The following TMEM163 variants were observed in gnomAD, a reference collection of about 807,000 sequenced individuals.
The protein encoded by TMEM163 is transmembrane protein 163.
In TMEM163, 17 loss-of-function variants were observed where a neutral mutation model predicts 29.3. The observed-to-expected ratio is 0.58, with a 90% CI of 0.40 to 0.87. The LOEUF is 0.87. TMEM163 is among the 40% of genes least tolerant of loss of function. The pLI, the probability that TMEM163 is intolerant of heterozygous loss-of-function variation, is 0.00. For synonymous variants in TMEM163, 157 were observed against 160.6 expected (o/e 0.98, Z 0.17); for missense variants, 303 against 381.5 (o/e 0.79, Z 1.71).
intron 4 of TMEM163, among the ~76,000 whole-genome samples, chr2:134,519,889 C>CAAAA (rs552174731): frequency 3.1e-5 from 3 of 96,180 alleles, no homozygotes; most frequent in African/African-American, 1.1e-4. Flanking sequence ...GACCCCACCT[C>CAAAA]AAAAAAAAAA....
chr2:134,660,266 A>C (rs1424384292), intron 2 of TMEM163, among the ~76,000 whole-genome samples: 2 of 152,168 alleles, frequency 1.3e-5, no homozygotes, highest in African/African-American at 2.4e-5. Flanking sequence ...TAACTAAAAA[A>C]ATATGATGCT....
intron 4 of TMEM163, among the ~76,000 whole-genome samples, chr2:134,541,817 G>A (rs919515530): frequency 6.6e-6 from 1 of 151,518 alleles, no homozygotes. Context: ...CACACACGGA[G>A]CATACATCAA....
chr2:134,557,666 G>A lies in TMEM163; in HGVS notation c.323-5575C>T, dbSNP rs142193059. Reference sequence around the variant, plus strand: ...AGAATACACAATTTCTGTGTGAGCGGAGGGTAGAGGAACAGTCACTTACAC... The same window carrying A: ...AGAATACACAATTTCTGTGTGAGCGAAGGGTAGAGGAACAGTCACTTACAC... On this transcript the variant is annotated intron_variant, in intron 2 of 7. Coordinates refer to ENST00000281924, the MANE Select transcript of TMEM163 (RefSeq NM_030923.5). Among the ~76,000 whole-genome samples the A allele has an allele frequency of 1.4e-3, 217 of 152,300 alleles. 1 individual carries two copies. Among genetic ancestry groups the A allele is most frequent in the African/African-American group, 5.1e-3 (211 of 41,562 alleles).
Position 134,550,673 on chromosome 2 carries a change from A to C in TMEM163, c.367-12T>G, listed in dbSNP as rs751446923. ...AGGATGGCATCAAACTAGGAGAAGGAGACATGGCATTAGAGGCTTTCCACA... is the reference window on the plus strand; with the variant it reads ...AGGATGGCATCAAACTAGGAGAAGGCGACATGGCATTAGAGGCTTTCCACA... On this transcript the variant is annotated splice_polypyrimidine_tract_variant and intron_variant, in intron 3 of 7. Coordinates refer to ENST00000281924, the MANE Select transcript of TMEM163 (RefSeq NM_030923.5). The C allele has an allele frequency of 6.2e-7, 1 of 1,613,824 alleles. No homozygotes were observed. The highest frequency in any genetic ancestry group is 1.7e-5 in the Admixed American group (1 of 60,028).
At chr2:134,584,985 G>A (rs543513708) in intron 2 of TMEM163, among the ~76,000 whole-genome samples, 26 of 152,272 alleles carry the variant, frequency 1.7e-4, no homozygotes, top group African/African-American at 6.0e-4. Flanking sequence ...TTCAGGGACA[G>A]GACACTTCAT....
rs1158090585 is a variant in TMEM163, at chr2:134,666,207, C to T, written c.322+46993G>A. Among the ~76,000 whole-genome samples the T allele has an allele frequency of 4.6e-5, 7 of 152,190 alleles. No individual in the cohort carries two copies. The South Asian group carries it at 6.2e-4, about 14-fold the overall frequency. ...CTTCCACCATGGGGCTCACAACAGC[C>T]GACTTCTGCCTGCCTTTCCTCTCAT... On this transcript the variant is annotated intron_variant, in intron 2 of 7. Coordinates refer to ENST00000281924, the MANE Select transcript of TMEM163 (RefSeq NM_030923.5).
chr2:134,469,578 T>G (rs1686745698), intron 5 of TMEM163: 1 of 152,032 alleles, frequency 6.6e-6, no homozygotes, highest in Non-Finnish European at 1.5e-5. Context: ...TCTGCATGAG[T>G]GAAAGGTGGA....
At chr2:134,707,164 C>T (rs1172528938) in intron 2 of TMEM163, among the ~76,000 whole-genome samples, 6 of 152,194 alleles carry the variant, frequency 3.9e-5, no homozygotes, top group African/African-American at 1.2e-4. Flanking sequence ...GGCAGCCGGA[C>T]GCTAGGCAGG....
intron 2 of TMEM163, among the ~76,000 whole-genome samples, chr2:134,695,815 C>T (rs1433372370): frequency 6.6e-6 from 1 of 152,062 alleles, no homozygotes; most frequent in Non-Finnish European, 1.5e-5. Flanking sequence ...AATTGGGAAG[C>T]CAAGGCAGGC....
At chr2:134,517,137 T>C (rs972934936) in intron 4 of TMEM163, among the ~76,000 whole-genome samples, 1 of 143,726 alleles carries the variant, frequency 7.0e-6, no homozygotes, top group African/African-American at 2.5e-5. Flanking sequence ...AAATTCACCA[T>C]ACTGTGCCCT....
intron 2 of TMEM163, among the ~76,000 whole-genome samples, chr2:134,634,019 AT>A (rs1173640343): frequency 1.7e-5 from 2 of 117,492 alleles, no homozygotes; most frequent in African/African-American, 3.8e-5. Context: ...ATATATATAT[AT>A]AATAGGACTG....
chr2:134,622,046 G>A (rs1049908060), intron 2 of TMEM163, among the ~76,000 whole-genome samples: 6 of 152,032 alleles, frequency 3.9e-5, no homozygotes, highest in Non-Finnish European at 8.8e-5. Context: ...TATGCTAATT[G>A]AAAAAAGCAA....
rs192128736 is a variant in TMEM163, at chr2:134,633,834, C to T, written c.322+79366G>A. On this transcript the variant is annotated intron_variant, in intron 2 of 7. Transcript: ENST00000281924. ...AAAATTAACTGGGTGTGGTGGTGTGCGCCTGCAATCCTAGCTACTCGGGAG... is the reference window on the plus strand; with the variant it reads ...AAAATTAACTGGGTGTGGTGGTGTGTGCCTGCAATCCTAGCTACTCGGGAG... Among the ~76,000 whole-genome samples the T allele has an allele frequency of 3.3e-5, 5 of 151,090 alleles. No individual in the cohort carries two copies. In the East Asian group the frequency reaches 9.9e-4, roughly 30 times the overall value.
At chr2:134,628,774 T>A (rs898872486) in intron 2 of TMEM163, among the ~76,000 whole-genome samples, 5 of 152,238 alleles carry the variant, frequency 3.3e-5, no homozygotes, top group African/African-American at 1.2e-4. Flanking sequence ...GATTTTAATT[T>A]GTATTATTTC....
In TMEM163 at chr2:134,465,195, A is replaced by AAAAAAAAAAC. The variant is rs1553471756; in HGVS notation, c.667+918_667+919insGTTTTTTTTT. 4.3e-5 allele frequency among the ~76,000 whole-genome samples: 6 copies of AAAAAAAAAAC among 138,340 alleles called. No homozygotes were observed. The East Asian group carries it at 1.7e-3, about 38-fold the overall frequency. 90.8% of individuals were successfully genotyped at this position (138,340 alleles called of 152,430 possible). A position where few individuals can be genotyped will look rare whatever the true frequency, so the allele number is the denominator to read the frequency against. On this transcript the variant is annotated intron_variant, in intron 6 of 7. Transcript: ENST00000281924. ...CATGGTGAGTCCGCATCTTTAAAAA[A>AAAAAAAAAAC]AAAAAAAACAAAAACAAAACAAAAA... is the stretch of plus-strand genomic sequence containing the variant.
intron 4 of TMEM163, among the ~76,000 whole-genome samples, chr2:134,510,987 C>A (rs1415340591): frequency 6.6e-6 from 1 of 152,144 alleles, no homozygotes; most frequent in Non-Finnish European, 1.5e-5. Context: ...CAAGGTCTTC[C>A]AATTAATCAG....
intron 2 of TMEM163, among the ~76,000 whole-genome samples, chr2:134,653,329 T>A (rs1424675066): frequency 3.5e-5 from 1 of 28,710 alleles, no homozygotes; most frequent in Non-Finnish European, 6.6e-5. Context: ...CTAGTTTATT[T>A]GCGTAGAGGT....
chr2:134,718,955 C>A lies in TMEM163; in HGVS notation c.-20G>T. ...CTCCATGGCGCGGGGCTGCGGATCCCGGCGGCGGCGACGACAAGCGCGGCG... is the reference window on the plus strand; with the variant it reads ...CTCCATGGCGCGGGGCTGCGGATCCAGGCGGCGGCGACGACAAGCGCGGCG... On this transcript the variant is annotated 5_prime_UTR_variant, in exon 1 of 8. Coordinates refer to ENST00000281924, the MANE Select transcript of TMEM163 (RefSeq NM_030923.5). The A allele has an allele frequency of 9.8e-7, 1 of 1,024,694 alleles. No homozygotes were observed. Among genetic ancestry groups the A allele is most frequent in the Non-Finnish European group, 1.2e-6 (1 of 857,520 alleles). 63.5% of individuals were successfully genotyped at this position (1,024,694 alleles called of 1,614,324 possible). A position where few individuals can be genotyped will look rare whatever the true frequency, so the allele number is the denominator to read the frequency against.
chr2:134,673,185 T>C (rs2104868266), intron 2 of TMEM163, among the ~76,000 whole-genome samples: 1 of 152,286 alleles, frequency 6.6e-6, no homozygotes, highest in South Asian at 2.1e-4. Context: ...GGCAGCCTTC[T>C]ACTAACCCCA....
Sources: gnomAD v4.1 joint callset for allele counts (sites outside exome capture counted in the v4.1 genomes callset) on GRCh38, gnomAD v4.1.1 for gene constraint, MANE v1.5 for transcripts, NCBI Gene and HGNC (gene_info 2026-07-23, HGNC 2026-07-21) for gene names.